Variants in TLK1 observed in about 807,000 individuals in gnomAD.
TLK1 encodes the protein serine/threonine-protein kinase tousled-like 1.
TLK1 carries 24 observed loss-of-function variants against 105.3 expected under a neutral mutation model. The observed-to-expected ratio is 0.23, with a 90% CI of 0.17 to 0.32. TLK1 has a LOEUF of 0.32. Among genes scored for constraint, TLK1 ranks in the 10% least tolerant of loss-of-function variants. The probability of loss-of-function intolerance (pLI) is 1.00; values close to 1 mark genes in which losing one functional copy is unlikely to be tolerated. For synonymous variants in TLK1, 321 were observed against 310.4 expected (o/e 1.03, Z -0.36); for missense variants, 558 against 910.5 (o/e 0.61, Z 4.98).
intron 1 of TLK1, among the ~76,000 whole-genome samples, chr2:171,184,205 T>C (rs1692979607): frequency 6.6e-6 from 1 of 152,206 alleles, no homozygotes; most frequent in Non-Finnish European, 1.5e-5. Context: ...AACTAGGTTC[T>C]CACCTAGAGA....
At chr2:171,180,609 G>T (rs1291370306) in intron 1 of TLK1, among the ~76,000 whole-genome samples, 1 of 152,152 alleles carries the variant, frequency 6.6e-6, no homozygotes, top group South Asian at 2.1e-4. Context: ...ACTCTTTCCA[G>T]AGTTCTGAAG....
At chr2:171,130,516 G>A (rs1020209167) in intron 1 of TLK1, among the ~76,000 whole-genome samples, 1 of 126,268 alleles carries the variant, frequency 7.9e-6, no homozygotes, top group Non-Finnish European at 1.7e-5. Context: ...GTTTTGGCAG[G>A]TTCCTGGACC....
Position 171,061,167 on chromosome 2 carries a change from CAAGAT to C in TLK1, c.331-16_331-12del. On this transcript the variant is annotated splice_polypyrimidine_tract_variant and intron_variant, in intron 3 of 20. Transcript: ENST00000431350. ...TTTCTTCTCCGGTGTCTACAGAAAA[CAAGAT>C]AACAGATTTTTAAATGACAGTTTTA... 1.2e-6 allele frequency: 2 copies of C among 1,612,050 alleles called. No individual in the cohort carries two copies. The highest frequency in any genetic ancestry group is 1.3e-5 in the African/African-American group (1 of 74,916).
chr2:171,182,428 A>G (rs1692943145), intron 1 of TLK1, among the ~76,000 whole-genome samples: 1 of 152,236 alleles, frequency 6.6e-6, no homozygotes, highest in Non-Finnish European at 1.5e-5. Context: ...GCAGTAAGAA[A>G]TTAGCTTCAC....
At chr2:171,123,670 G>A (rs1271031789) in intron 1 of TLK1, among the ~76,000 whole-genome samples, 3 of 152,156 alleles carry the variant, frequency 2.0e-5, no homozygotes, top group African/African-American at 7.2e-5. Context: ...AAAACCTAAG[G>A]TGTGGTGGTA....
Position 170,993,668 on chromosome 2 carries a change from TAA to T in TLK1, c.*110_*111del, listed in dbSNP as rs71008739. The T allele has an allele frequency of 0.063, 26,801 of 428,762 alleles. 132 individuals are homozygous for T. The highest frequency in any genetic ancestry group is 0.072 in the Non-Finnish European group (21,373 of 297,250). The allele number at this position is 428,762 out of a possible 1,614,324, so 26.6% of individuals were successfully genotyped here. A position where few individuals can be genotyped will look rare whatever the true frequency, so the allele number is the denominator to read the frequency against. On this transcript the variant is annotated 3_prime_UTR_variant, in exon 21 of 21. Transcript: ENST00000431350. ...AAACAGTTCTTAACCACGTCTTGTG[TAA>T]AAAAAAAAAAAAAAAAAAAAGAAAA...
intron 1 of TLK1, among the ~76,000 whole-genome samples, chr2:171,152,012 C>G (rs1161067240): frequency 6.6e-6 from 1 of 152,202 alleles, no homozygotes. Context: ...ACACAAACCC[C>G]TCTGACCTTC....
At chr2:171,027,025 A>G (rs1052560926) in intron 12 of TLK1, among the ~76,000 whole-genome samples, 2 of 152,260 alleles carry the variant, frequency 1.3e-5, no homozygotes, top group African/African-American at 2.4e-5. Flanking sequence ...GTTGGCATAG[A>G]CAGATATAGC....
intron 1 of TLK1, among the ~76,000 whole-genome samples, chr2:171,143,937 C>G (rs531652969): frequency 1.3e-5 from 2 of 152,152 alleles, no homozygotes; most frequent in African/African-American, 4.8e-5. Flanking sequence ...CAATTAAACG[C>G]TGTCTACTTA....
chr2:171,168,063 A>G (rs1692642726), intron 1 of TLK1, among the ~76,000 whole-genome samples: 1 of 152,084 alleles, frequency 6.6e-6, no homozygotes, highest in Non-Finnish European at 1.5e-5. Flanking sequence ...GGGAAAAACA[A>G]AAATGCCCAA....
intron 1 of TLK1, among the ~76,000 whole-genome samples, chr2:171,208,289 CTG>C (rs1319982449): frequency 2.0e-5 from 3 of 152,070 alleles, no homozygotes; most frequent in African/African-American, 7.2e-5. Flanking sequence ...TTTATTCTCA[CTG>C]TTGTTTAAGG....
At chr2:171,055,463 G>C (rs118033242) in intron 6 of TLK1, among the ~76,000 whole-genome samples, 1 of 150,782 alleles carries the variant, frequency 6.6e-6, no homozygotes, top group East Asian at 1.9e-4. Context: ...CTTTCATACA[G>C]TTAAAAAAAA....
chr2:171,212,225 C>T (rs1263209014), intron 1 of TLK1, among the ~76,000 whole-genome samples: 3 of 151,994 alleles, frequency 2.0e-5, no homozygotes, highest in African/African-American at 7.3e-5. Flanking sequence ...CTGGCCACTC[C>T]AGCAGCTGTT....
intron 1 of TLK1, among the ~76,000 whole-genome samples, chr2:171,187,062 A>AC (rs1693040228): frequency 7.7e-6 from 1 of 130,006 alleles, no homozygotes; most frequent in East Asian, 2.6e-4. Context: ...TGTCTCAAAA[A>AC]AAAAAAAAAA....
intron 12 of TLK1, among the ~76,000 whole-genome samples, chr2:171,028,131 C>A (rs572472364): frequency 6.6e-6 from 1 of 152,200 alleles, no homozygotes; most frequent in East Asian, 1.9e-4. Context: ...CCGCTGCACT[C>A]CAGCCTGAGT....
intron 1 of TLK1, among the ~76,000 whole-genome samples, chr2:171,157,471 CACAAGACTG>C (rs904302367): frequency 6.6e-6 from 1 of 152,144 alleles, no homozygotes; most frequent in Admixed American, 6.5e-5. Context: ...CTAACAGAAC[CACAAGACTG>C]ACAAGCGAAA....
chr2:171,012,386 T>C (rs1442796781), intron 13 of TLK1, among the ~76,000 whole-genome samples: 4 of 152,152 alleles, frequency 2.6e-5, no homozygotes, highest in Non-Finnish European at 5.9e-5. Flanking sequence ...TAACAGCTAA[T>C]AAAAGGCAGG....
intron 3 of TLK1, among the ~76,000 whole-genome samples, chr2:171,080,472 T>TTAAAG (rs59964291): frequency 1.3e-5 from 2 of 149,524 alleles, no homozygotes; most frequent in African/African-American, 4.9e-5. Flanking sequence ...AATTCATTAA[T>TTAAAG]TATCAACTAT....
At chr2:171,052,076 C>T (rs1222897563) in intron 8 of TLK1, among the ~76,000 whole-genome samples, 2 of 151,972 alleles carry the variant, frequency 1.3e-5, no homozygotes, top group East Asian at 1.9e-4. Context: ...TCAATACCAG[C>T]CTGTAGACTC....
Sources: gnomAD v4.1 joint callset for allele counts (sites outside exome capture counted in the v4.1 genomes callset) on GRCh38, gnomAD v4.1.1 for gene constraint, MANE v1.5 for transcripts, NCBI Gene and HGNC (gene_info 2026-07-23, HGNC 2026-07-21) for gene names.